The following ZMYND8 variants were observed in gnomAD, a reference collection of about 807,000 sequenced individuals.
The protein encoded by ZMYND8 is zinc finger MYND-type containing 8.
In ZMYND8, 37 loss-of-function variants were observed where a neutral mutation model predicts 140.8. The ratio of observed to expected loss-of-function variants is 0.26; its 90% CI spans 0.20 to 0.35. The LOEUF (loss-of-function observed/expected upper bound fraction) is 0.35. Among genes scored for constraint, ZMYND8 ranks in the 10% least tolerant of loss-of-function variants. The pLI is 1.00. For synonymous variants in ZMYND8, 592 were observed against 597.1 expected, an observed-to-expected ratio of 0.99 and a Z score of 0.12; for missense variants, 1,068 against 1,570.0, an observed-to-expected ratio of 0.68 and a Z score of 5.40.
chr20:47,299,322 AAATGGAGATGAT>A (rs2077843512), intron 3 of ZMYND8, among the ~76,000 whole-genome samples: 1 of 152,188 alleles, frequency 6.6e-6, no homozygotes, highest in South Asian at 2.1e-4. Context: ...CTCATCTGTA[AAATGGAGATGAT>A]AATGCCTAAC....
intron 6 of ZMYND8, among the ~76,000 whole-genome samples, chr20:47,291,189 A>G (rs1218067878): frequency 6.6e-6 from 1 of 152,194 alleles, no homozygotes; most frequent in Admixed American, 6.5e-5. Flanking sequence ...TGGGGAAGAC[A>G]ATATGAAGTA....
Position 47,275,742 on chromosome 20 carries a change from G to C in ZMYND8, c.1480+572C>G, listed in dbSNP as rs138904688. Reference sequence around the variant, plus strand: ...CTCAACTATAGTCCCAGAGTAGCTAGGACTATAGACACACGCCACCACGAC... The same window carrying C: ...CTCAACTATAGTCCCAGAGTAGCTACGACTATAGACACACGCCACCACGAC... On this transcript the variant is annotated intron_variant, in intron 11 of 22. Transcript: ENST00000471951. Among the ~76,000 whole-genome samples the C allele has an allele frequency of 9.6e-3, 1,466 of 152,046 alleles. 7 individuals carry two copies. Among genetic ancestry groups the C allele is most frequent in the Middle Eastern group, 0.044 (13 of 294 alleles).
At chr20:47,332,027 C>G (rs2080996838) in intron 2 of ZMYND8, among the ~76,000 whole-genome samples, 1 of 152,098 alleles carries the variant, frequency 6.6e-6, no homozygotes. Context: ...CATGGTGAAA[C>G]CCCGTCTCTA....
chr20:47,278,981 G>A (rs2147827679), intron 10 of ZMYND8, among the ~76,000 whole-genome samples: 1 of 151,666 alleles, frequency 6.6e-6, no homozygotes, highest in Middle Eastern at 3.4e-3. Context: ...GTCCTTCTCT[G>A]GAGAATCAAG....
intron 14 of ZMYND8, among the ~76,000 whole-genome samples, chr20:47,244,842 A>G (rs1356062871): frequency 1.3e-5 from 2 of 152,184 alleles, no homozygotes; most frequent in African/African-American, 4.8e-5. Context: ...GGCTCACCTG[A>G]GGTCAGGAGT....
At chr20:47,339,766 C>A (rs545137895) in intron 2 of ZMYND8, among the ~76,000 whole-genome samples, 1 of 152,232 alleles carries the variant, frequency 6.6e-6, no homozygotes, top group Non-Finnish European at 1.5e-5. Flanking sequence ...GTGAGTGAGG[C>A]ACCACACCCG....
chr20:47,313,367 A>G (rs1032145136), intron 2 of ZMYND8, among the ~76,000 whole-genome samples: 1 of 152,220 alleles, frequency 6.6e-6, no homozygotes, highest in Non-Finnish European at 1.5e-5. Flanking sequence ...TCACGCCTGT[A>G]ATCCCAGCAC....
At chr20:47,260,695 T>C (rs2075091895) in intron 12 of ZMYND8, among the ~76,000 whole-genome samples, 1 of 152,168 alleles carries the variant, frequency 6.6e-6, no homozygotes, top group African/African-American at 2.4e-5. Flanking sequence ...CACATTACCT[T>C]CCAGACATCC....
At chr20:47,288,392 CTTTTTT>C (rs11411701) in intron 7 of ZMYND8, among the ~76,000 whole-genome samples, 30 of 123,292 alleles carry the variant, frequency 2.4e-4, no homozygotes, top group Non-Finnish European at 4.4e-4. Context: ...TACACCAATT[CTTTTTT>C]TTTTTTTTTT....
chr20:47,213,430 G>A (rs963104792), intron 21 of ZMYND8, among the ~76,000 whole-genome samples: 3 of 152,190 alleles, frequency 2.0e-5, no homozygotes, highest in Admixed American at 2.0e-4. Flanking sequence ...TATAATCACA[G>A]TACACTATGT....
intron 2 of ZMYND8, among the ~76,000 whole-genome samples, chr20:47,346,588 A>G (rs374734486): frequency 6.7e-6 from 1 of 149,046 alleles, no homozygotes; most frequent in Admixed American, 6.7e-5. Flanking sequence ...TGGACCCTCA[A>G]CTTTGCCCCA....
intron 21 of ZMYND8, among the ~76,000 whole-genome samples, chr20:47,219,047 T>C (rs1342196396): frequency 1.4e-5 from 2 of 143,160 alleles, no homozygotes; most frequent in African/African-American, 2.7e-5. Context: ...CAAAACCCCG[T>C]TTCTACAATT....
At chr20:47,249,167 A>G (rs2073968680) in intron 13 of ZMYND8, 120 bp downstream of exon 13, 2 of 1,223,972 alleles carry the variant, frequency 1.6e-6, no homozygotes, top group Non-Finnish European at 2.2e-6. Flanking sequence ...CAAATAGTTG[A>G]AAGTTAAAGC....
At chr20:47,271,249 G>A (rs951177424) in intron 11 of ZMYND8, among the ~76,000 whole-genome samples, 11 of 152,294 alleles carry the variant, frequency 7.2e-5, no homozygotes, top group South Asian at 6.2e-4. Flanking sequence ...ACACTTATGG[G>A]TAACATGGGT....
At chr20:47,299,088 A>C in intron 3 of ZMYND8, 141 bp from the exon 4 acceptor site, 1 of 754,020 alleles carries the variant, frequency 1.3e-6, no homozygotes, top group Non-Finnish European at 2.2e-6. Flanking sequence ...ATCTTAGGTT[A>C]CTCTACTAAA....
intron 11 of ZMYND8, among the ~76,000 whole-genome samples, chr20:47,268,223 GAGGCAGATGCATC>G: frequency 6.6e-6 from 1 of 151,904 alleles, no homozygotes; most frequent in South Asian, 2.1e-4. Flanking sequence ...TCGGGAGGCG[GAGGCAGATGCATC>G]ACTTGAGGTC....
At chr20:47,299,025 A>G (rs2077823950) in intron 3 of ZMYND8, 78 bp from the exon 4 acceptor site, 3 of 1,357,806 alleles carry the variant, frequency 2.2e-6, no homozygotes, top group Admixed American at 3.7e-5. Flanking sequence ...AAGTACATCA[A>G]TAACAACAAA....
At chr20:47,217,882 T>C (rs556254086) in intron 21 of ZMYND8, among the ~76,000 whole-genome samples, 3 of 147,580 alleles carry the variant, frequency 2.0e-5, no homozygotes, top group Admixed American at 1.3e-4. Context: ...GCCCCCCTCT[T>C]CCCCCCACCA....
At chr20:47,283,753 A>C (rs2147883537) in intron 8 of ZMYND8, 105 bp from the exon 9 acceptor site, 2 of 1,147,762 alleles carry the variant, frequency 1.7e-6, no homozygotes, top group East Asian at 5.1e-5. Flanking sequence ...TTAAAGTCCC[A>C]TAGAGGGAAC....
Sources: gnomAD v4.1 joint callset for allele counts (sites outside exome capture counted in the v4.1 genomes callset) on GRCh38, gnomAD v4.1.1 for gene constraint, MANE v1.5 for transcripts, NCBI Gene and HGNC (gene_info 2026-07-23, HGNC 2026-07-21) for gene names.